Variants in GPC5 observed in about 807,000 individuals in gnomAD.
GPC5 encodes the protein glypican-5.
Under a neutral mutation model 53.9 loss-of-function variants are expected in GPC5, and 47 were observed. That is an observed-to-expected ratio of 0.87 (90% confidence interval 0.69 to 1.11). The LOEUF (loss-of-function observed/expected upper bound fraction) is 1.11, where lower values mean the gene tolerates loss of function less well. Among genes scored for constraint, GPC5 ranks in the 50% most tolerant of loss-of-function variants. GPC5 has a pLI of 0.00. For synonymous variants in GPC5, 286 were observed against 263.3 expected, an observed-to-expected ratio of 1.09 and a Z score of -0.84; for missense variants, 748 against 713.1, an observed-to-expected ratio of 1.05 and a Z score of -0.56.
intron 7 of GPC5, among the ~76,000 whole-genome samples, chr13:92,862,576 C>G (rs1003672757): frequency 3.3e-5 from 5 of 151,362 alleles, no homozygotes; most frequent in Non-Finnish European, 5.9e-5. Flanking sequence ...TTTGACTCGT[C>G]TAAGTGTCAA....
At chr13:92,777,202 G>A (rs1875843492) in intron 7 of GPC5, among the ~76,000 whole-genome samples, 1 of 151,530 alleles carries the variant, frequency 6.6e-6, no homozygotes, top group African/African-American at 2.4e-5. Context: ...CGGGCATGGA[G>A]GTGCATGACT....
rs749523673 is a variant in GPC5 at position 91,693,656 on chromosome 13, G to A, written c.795G>A (p.Ala265=). ...ACTGCCCGCACTGCCAAGGCCTGGC[G>A]CTCACTAAGCCTTGTATGGGATACT... ...MQYCPHCQGL[A]LTKPCMGYCL... is the part of the protein sequence containing the mutation. Residue 265 remains alanine, a synonymous_variant, in exon 3 of 8, where the codon GCG becomes GCA. Coordinates refer to ENST00000377067, the MANE Select transcript of GPC5 (RefSeq NM_004466.6). 18 of 1,613,900 alleles carry A rather than the reference G, an allele frequency of 1.1e-5. No individual in the cohort carries two copies. The highest frequency in any genetic ancestry group is 6.7e-5 in the East Asian group (3 of 44,874).
chr13:91,634,548 C>T (rs921675611), intron 2 of GPC5, among the ~76,000 whole-genome samples: 1 of 151,984 alleles, frequency 6.6e-6, no homozygotes, highest in East Asian at 1.9e-4. Flanking sequence ...AACAAATCAC[C>T]TAATTTAGCT....
At position 92,003,117 on chromosome 13, in the gene GPC5, C is replaced by T. The variant is rs144258184; in HGVS notation, c.1401+95060C>T. Among the ~76,000 whole-genome samples the T allele has an allele frequency of 1.5e-3, 223 of 152,192 alleles. 1 individual carries two copies. The highest frequency in any genetic ancestry group is 5.1e-3 in the African/African-American group (211 of 41,552). Reference sequence around the variant, plus strand: ...CCAAAGGTCTGGAGTTCGAGACCAGCTTGGCCAACATGACAAAACCCCGTC... The same window carrying T: ...CCAAAGGTCTGGAGTTCGAGACCAGTTTGGCCAACATGACAAAACCCCGTC... On this transcript the variant is annotated intron_variant, in intron 6 of 7. Coordinates refer to ENST00000377067, the MANE Select transcript of GPC5 (RefSeq NM_004466.6).
intron 7 of GPC5, among the ~76,000 whole-genome samples, chr13:92,490,547 T>A (rs1021133108): frequency 2.1e-4 from 32 of 152,064 alleles, no homozygotes; most frequent in African/African-American, 7.5e-4. Flanking sequence ...TAGTAAACAC[T>A]TTGGTAAGCC....
chr13:92,736,159 T>C (rs1566391937), intron 7 of GPC5, among the ~76,000 whole-genome samples: 1 of 152,048 alleles, frequency 6.6e-6, no homozygotes, highest in Non-Finnish European at 1.5e-5. Context: ...AGTTGTTATG[T>C]CTTTGTTTAC....
At chr13:92,457,466 T>C (rs2139405487) in intron 7 of GPC5, among the ~76,000 whole-genome samples, 1 of 152,240 alleles carries the variant, frequency 6.6e-6, no homozygotes, top group Non-Finnish European at 1.5e-5. Context: ...TTCCCATATG[T>C]CCACTGAAGG....
rs944087132 is a variant in GPC5, at chr13:91,410,385, G to A, written c.163+11176G>A. ...TTTTGAGACCAAGTCTCTCTCTGTCGCCCAGGCTGGAGTGCAGTGGCACGA... is the reference window on the plus strand; with the variant it reads ...TTTTGAGACCAAGTCTCTCTCTGTCACCCAGGCTGGAGTGCAGTGGCACGA... On this transcript the variant is annotated intron_variant, in intron 1 of 7. Transcript: ENST00000377067. Among the ~76,000 whole-genome samples the A allele has an allele frequency of 1.9e-4, 22 of 113,268 alleles. No homozygotes were observed. The East Asian group carries it at 6.2e-3, about 32-fold the overall frequency. 74.3% of individuals were successfully genotyped at this position (113,268 alleles called of 152,430 possible).
chr13:92,231,139 G>C (rs566602192), intron 7 of GPC5, among the ~76,000 whole-genome samples: 15 of 152,134 alleles, frequency 9.9e-5, no homozygotes, highest in African/African-American at 1.9e-4. Flanking sequence ...AGGCTACCAG[G>C]TAAGTCATGT....
At chr13:92,519,054 G>A (rs1173891839) in intron 7 of GPC5, among the ~76,000 whole-genome samples, 1 of 152,140 alleles carries the variant, frequency 6.6e-6, no homozygotes, top group East Asian at 1.9e-4. Flanking sequence ...AATGGTAAAG[G>A]AATCAATTCA....
At chr13:91,920,761 T>C (rs1227180482) in intron 6 of GPC5, among the ~76,000 whole-genome samples, 1 of 152,090 alleles carries the variant, frequency 6.6e-6, no homozygotes, top group Non-Finnish European at 1.5e-5. Flanking sequence ...AGACAATGCA[T>C]AAAAAATGCC....
At chr13:92,671,550 G>A (rs893316959) in intron 7 of GPC5, among the ~76,000 whole-genome samples, 7 of 152,146 alleles carry the variant, frequency 4.6e-5, no homozygotes, top group Non-Finnish European at 1.0e-4. Flanking sequence ...ATTTTAAAGA[G>A]GGAATAGGTT....
intron 7 of GPC5, among the ~76,000 whole-genome samples, chr13:92,584,109 T>C (rs890480535): frequency 2.0e-5 from 3 of 151,904 alleles, no homozygotes; most frequent in African/African-American, 7.3e-5. Context: ...ACCAGTAGAG[T>C]GGGGCATTAC....
At chr13:91,617,296 A>G (rs924715406) in intron 2 of GPC5, among the ~76,000 whole-genome samples, 12 of 152,136 alleles carry the variant, frequency 7.9e-5, no homozygotes, top group African/African-American at 2.9e-4. Flanking sequence ...GCTGGGGGGA[A>G]GACCGTGTAG....
intron 1 of GPC5, among the ~76,000 whole-genome samples, chr13:91,420,263 T>C (rs998288812): frequency 6.6e-6 from 1 of 152,196 alleles, no homozygotes; most frequent in Non-Finnish European, 1.5e-5. Flanking sequence ...ATTCCTTTAG[T>C]AAATTTTATT....
chr13:91,962,491 A>G (rs1255303001), intron 6 of GPC5, among the ~76,000 whole-genome samples: 1 of 152,124 alleles, frequency 6.6e-6, no homozygotes, highest in Non-Finnish European at 1.5e-5. Context: ...GAATGTTTTT[A>G]TACATTTTTG....
chr13:92,430,892 G>T (rs1451850582), intron 7 of GPC5, among the ~76,000 whole-genome samples: 4 of 151,964 alleles, frequency 2.6e-5, no homozygotes, highest in Non-Finnish European at 5.9e-5. Context: ...TTTTTTCAAT[G>T]ATATAAATGC....
At chr13:92,415,671 G>A (rs1174179569) in intron 7 of GPC5, among the ~76,000 whole-genome samples, 2 of 116,986 alleles carry the variant, frequency 1.7e-5, no homozygotes, top group Non-Finnish European at 3.7e-5. Context: ...GGTTCCAGCT[G>A]GAGGTAAAAA....
chr13:91,645,923 T>C (rs16946357), intron 2 of GPC5, among the ~76,000 whole-genome samples: 11,288 of 152,270 alleles, frequency 0.074, 1,405 homozygotes, highest in African/African-American at 0.26. Flanking sequence ...ATAGCACTGA[T>C]GCAGACCAAG....
Sources: gnomAD v4.1 joint callset for allele counts (sites outside exome capture counted in the v4.1 genomes callset) on GRCh38, gnomAD v4.1.1 for gene constraint, MANE v1.5 for transcripts, NCBI Gene and HGNC (gene_info 2026-07-23, HGNC 2026-07-21) for gene names.